Variants in COL5A1 observed in about 807,000 individuals in gnomAD.
COL5A1 encodes collagen type V alpha 1 chain.
A neutral mutation model predicts 263.7 loss-of-function variants in COL5A1; 16 were observed. That is an observed-to-expected ratio of 0.06 (90% CI 0.04 to 0.09). The LOEUF (loss-of-function observed/expected upper bound fraction) is 0.09, where lower values mean the gene tolerates loss of function less well. COL5A1 is among the 10% of genes least tolerant of loss of function. COL5A1 has a pLI of 1.00. For synonymous variants in COL5A1, 1,012 were observed against 1,004.5 expected (o/e 1.01, Z -0.14); for missense variants, 2,036 against 2,540.5 (o/e 0.80, Z 4.27).
rs1832815781 is a variant in COL5A1 at position 134,680,289 on chromosome 9, C to T, written c.110-10623C>T. On this transcript the variant is annotated intron_variant, in intron 1 of 65. Coordinates refer to ENST00000371817, the MANE Select transcript of COL5A1 (RefSeq NM_000093.5). The surrounding 1 kb of genome is among the most constrained non-coding windows in gnomAD (Gnocchi z 5.9). ...CAGGCCATTTTCTCACCCTGTGAAACACTGCGGGTCGGTGCACAGGTGTCT... is the reference window on the plus strand; with the variant it reads ...CAGGCCATTTTCTCACCCTGTGAAATACTGCGGGTCGGTGCACAGGTGTCT... Among the ~76,000 whole-genome samples, 4 of 152,334 alleles carry T rather than the reference C, an allele frequency of 2.6e-5. No homozygotes were observed. In the South Asian group the frequency reaches 8.3e-4, roughly 32 times the overall value.
At chr9:134,823,330 T>C in intron 60 of COL5A1, 86 bp from the exon 61 acceptor site, 4 of 1,472,554 alleles carry the variant, frequency 2.7e-6, no homozygotes, top group Non-Finnish European at 3.8e-6. Flanking sequence ...CACATAGGTC[T>C]CCAGGGACCA....
chr9:134,760,441 ACATGC>A (rs1197851924), intron 18 of COL5A1, among the ~76,000 whole-genome samples: 398 of 96,572 alleles, frequency 4.1e-3, no homozygotes, highest in African/African-American at 0.012. Context: ...ACATGCACAC[ACATGC>A]ATACACACCC....
At chr9:134,709,377 T>C (rs529690893) in intron 4 of COL5A1, 24 of 278,716 alleles carry the variant, frequency 8.6e-5, no homozygotes, top group South Asian at 6.8e-4. Context: ...CCTGGTGCAG[T>C]AGGCAGCTGC....
chr9:134,703,440 A>G (rs1040196070), intron 4 of COL5A1, among the ~76,000 whole-genome samples: 4 of 152,158 alleles, frequency 2.6e-5, no homozygotes, highest in African/African-American at 7.2e-5. Flanking sequence ...GGATCTAGGC[A>G]AAGCAGGTGA....
intron 1 of COL5A1, among the ~76,000 whole-genome samples, chr9:134,648,200 C>T (rs1831539886): frequency 6.6e-6 from 1 of 151,842 alleles, no homozygotes. Context: ...AGGTTTGGGA[C>T]TCGGACTTGC....
In COL5A1 at chr9:134,782,734, G is replaced by T. The variant is rs371753763; in HGVS notation, c.2484+14G>T. The T allele has an allele frequency of 1.9e-6, 3 of 1,587,930 alleles. No individual in the cohort carries two copies. Among genetic ancestry groups the T allele is most frequent in the East Asian group, 4.5e-5 (2 of 44,274 alleles). On this transcript the variant is annotated intron_variant, in intron 29 of 65. Coordinates refer to ENST00000371817, the MANE Select transcript of COL5A1 (RefSeq NM_000093.5). The stretch of plus-strand genomic sequence containing the variant: ...AAGGGTGATCGGGTGAGCATCTCAG[G>T]TTTGGGATTTGGGCTGGGGAAAGCT...
Position 134,842,105 on chromosome 9 carries a change from C to T in COL5A1, c.5371-52C>T, listed in dbSNP as rs1361253389. On this transcript the variant is annotated intron_variant, in intron 65 of 65. Coordinates refer to ENST00000371817, the MANE Select transcript of COL5A1 (RefSeq NM_000093.5). The surrounding 1 kb of genome is among the most constrained non-coding windows in gnomAD (Gnocchi z 5.8). ...ATTGTGGGGGGTGATTGGTAAACCC[C>T]AAGACCCCCAACTGTTCTTAACCAC... The T allele has an allele frequency of 2.3e-5, 37 of 1,607,912 alleles. No individual in the cohort carries two copies. Among genetic ancestry groups the T allele is most frequent in the Non-Finnish European group, 2.9e-5 (34 of 1,174,742 alleles).
chr9:134,737,245 T>C (rs1295170829), intron 9 of COL5A1, among the ~76,000 whole-genome samples: 1 of 152,226 alleles, frequency 6.6e-6, no homozygotes, highest in East Asian at 1.9e-4. Flanking sequence ...CTTCCTTCCC[T>C]GCAGCTGCAG....
chr9:134,750,699 C>G (rs2132682886), intron 12 of COL5A1, 83 bp downstream of exon 12: 2 of 1,593,856 alleles, frequency 1.3e-6, no homozygotes, highest in East Asian at 4.5e-5. Context: ...TGCGCTGTCA[C>G]TGGAGAGGCC....
intron 1 of COL5A1, among the ~76,000 whole-genome samples, chr9:134,669,624 C>T (rs1349131196): frequency 2.6e-5 from 4 of 152,016 alleles, no homozygotes; most frequent in Non-Finnish European, 5.9e-5. Context: ...AACTGAGAGA[C>T]AAGAGAAATC....
chr9:134,781,895 AC>A (rs1357903352), intron 28 of COL5A1, among the ~76,000 whole-genome samples: 1 of 152,132 alleles, frequency 6.6e-6, no homozygotes, highest in African/African-American at 2.4e-5. Flanking sequence ...AATGTTTACG[AC>A]CGGCTGAGTC....
intron 49 of COL5A1, 91 bp from the exon 50 acceptor site, chr9:134,814,706 T>A: frequency 1.0e-6 from 1 of 967,432 alleles, no homozygotes; most frequent in Non-Finnish European, 1.6e-6. Context: ...AAGGCTGGTC[T>A]GAATGGGGTG....
At position 134,681,379 on chromosome 9, in the gene COL5A1, G is replaced by A. The variant is rs1013104292; in HGVS notation, c.110-9533G>A. Among the ~76,000 whole-genome samples, 2 of 152,248 alleles carry A rather than the reference G, an allele frequency of 1.3e-5. No homozygotes were observed. Among genetic ancestry groups the A allele is most frequent in the Non-Finnish European group, 2.9e-5 (2 of 68,038 alleles). Reference sequence around the variant, plus strand: ...GTGAACAATTTCTGCGAGCATCTGCGGGTGCCGGGCTGTGCGGGGCCCCTG... The same window carrying A: ...GTGAACAATTTCTGCGAGCATCTGCAGGTGCCGGGCTGTGCGGGGCCCCTG... On this transcript the variant is annotated intron_variant, in intron 1 of 65. Transcript: ENST00000371817. This position sits in a 1 kb window ranked among gnomAD's most constrained non-coding sequence, Gnocchi z 4.3.
chr9:134,730,787 G>C (rs1390924075), intron 7 of COL5A1, among the ~76,000 whole-genome samples: 1 of 152,242 alleles, frequency 6.6e-6, no homozygotes, highest in African/African-American at 2.4e-5. Context: ...GTGGAAATTG[G>C]ATGAGGAGGG....
chr9:134,689,508 A>T (rs1486194005), intron 1 of COL5A1, among the ~76,000 whole-genome samples: 1 of 152,200 alleles, frequency 6.6e-6, no homozygotes, highest in Non-Finnish European at 1.5e-5. Flanking sequence ...TGATCCAGCT[A>T]CTCAAACAGT....
At chr9:134,744,260 C>G (rs1835391651) in intron 11 of COL5A1, among the ~76,000 whole-genome samples, 1 of 152,158 alleles carries the variant, frequency 6.6e-6, no homozygotes, top group African/African-American at 2.4e-5. Flanking sequence ...GAGAGGTTCA[C>G]ACACACACTC....
intron 61 of COL5A1, among the ~76,000 whole-genome samples, chr9:134,823,914 ATGTGTGTGCATGTGTAG>A (rs1339498332): frequency 6.7e-6 from 1 of 149,054 alleles, no homozygotes; most frequent in Non-Finnish European, 1.5e-5. Context: ...TGGGGCACAT[ATGTGTGTGCATGTGTAG>A]TGTGTGTATA....
chr9:134,739,708 G>A (rs1835231058), intron 11 of COL5A1, among the ~76,000 whole-genome samples: 1 of 152,196 alleles, frequency 6.6e-6, no homozygotes, highest in Non-Finnish European at 1.5e-5. Flanking sequence ...GCGGGCCAGG[G>A]CGCAGGACAG....
chr9:134,747,507 G>A (rs1029377359), intron 11 of COL5A1, among the ~76,000 whole-genome samples: 15 of 144,476 alleles, frequency 1.0e-4, no homozygotes, highest in African/African-American at 2.6e-4. Flanking sequence ...ATGCACACAC[G>A]TACACATTCA....
Sources: allele counts gnomAD v4.1 joint callset (sites outside exome capture counted in the v4.1 genomes callset), GRCh38; gene constraint gnomAD v4.1.1; non-coding constraint Gnocchi (gnomAD v3.1); transcripts MANE v1.5; gene names NCBI Gene and HGNC (gene_info 2026-07-23, HGNC 2026-07-21).